Variants in SMARCC1 observed in about 807,000 individuals in gnomAD.
The protein encoded by SMARCC1 is SWI/SNF related BAF chromatin remodeling complex subunit C1.
Under a neutral mutation model 147.4 loss-of-function variants are expected in SMARCC1, and 43 were observed. The ratio of observed to expected loss-of-function variants is 0.29; its 90% confidence interval spans 0.23 to 0.38. SMARCC1 has a LOEUF of 0.38. Ranked by LOEUF, SMARCC1 falls within the 10% of genes least tolerant of loss-of-function variation. The pLI is 1.00. For missense variants in SMARCC1, 1,119 were observed against 1,381.1 expected (o/e 0.81, Z 3.01); for synonymous variants, 495 against 484.4 (o/e 1.02, Z -0.29).
intron 15 of SMARCC1, among the ~76,000 whole-genome samples, chr3:47,679,765 G>A (rs1399876798): frequency 5.9e-5 from 9 of 151,494 alleles, no homozygotes. Flanking sequence ...GGGAGGCTGA[G>A]GCAGGAGAAT....
At chr3:47,659,172 A>C (rs1445168844) in intron 21 of SMARCC1, among the ~76,000 whole-genome samples, 1 of 151,714 alleles carries the variant, frequency 6.6e-6, no homozygotes, top group Non-Finnish European at 1.5e-5. Context: ...CAAGAAAGTA[A>C]GAAAAGTCCA....
intron 20 of SMARCC1, 36 bp downstream of exon 20, chr3:47,662,298 T>TTTTC (rs748999457): frequency 6.3e-7 from 1 of 1,577,662 alleles, no homozygotes; most frequent in Admixed American, 1.9e-5. Flanking sequence ...TAAACTGAGT[T>TTTTC]TTTCTGTTGA....
chr3:47,690,399 A>G (rs1676571534), intron 12 of SMARCC1, among the ~76,000 whole-genome samples: 1 of 152,336 alleles, frequency 6.6e-6, no homozygotes, highest in East Asian at 1.9e-4. Context: ...GGTGTCTCTG[A>G]AAAGGTGGCC....
intron 6 of SMARCC1, among the ~76,000 whole-genome samples, chr3:47,725,044 A>AAAAG (rs776154129): frequency 0.012 from 1,861 of 150,744 alleles, 34 homozygotes; most frequent in Non-Finnish European, 0.02. Flanking sequence ...AAAAAAAAAA[A>AAAAG]AAAAAAAAAA....
intron 6 of SMARCC1, among the ~76,000 whole-genome samples, chr3:47,722,438 C>T (rs2034244573): frequency 6.6e-6 from 1 of 151,656 alleles, no homozygotes; most frequent in African/African-American, 2.4e-5. Flanking sequence ...GCTGGGATTA[C>T]AGGCATGCGC....
At chr3:47,627,419 A>G (rs1200519600) in intron 24 of SMARCC1, among the ~76,000 whole-genome samples, 1 of 152,174 alleles carries the variant, frequency 6.6e-6, no homozygotes, top group Non-Finnish European at 1.5e-5. Flanking sequence ...GTGAGCAGCT[A>G]GAAGAGCATT....
rs572566738 is a variant in SMARCC1 at position 47,751,833 on chromosome 3, T to C, written c.316-5840A>G. Among the ~76,000 whole-genome samples, 11 of 151,936 alleles carry C rather than the reference T, an allele frequency of 7.2e-5. No homozygotes were observed. The South Asian group carries it at 1.9e-3, about 26-fold the overall frequency. The stretch of plus-strand genomic sequence containing the variant: ...GCGCAGTAGCTCACGCCTGTAATCC[T>C]AGCACTTTGGGAGGCAGAGGAGGGT... On this transcript the variant is annotated intron_variant, in intron 2 of 27. Transcript: ENST00000254480.
chr3:47,622,307 G>C lies in SMARCC1; in HGVS notation c.2681C>G (p.Ser894Cys). 1 of 1,613,202 alleles carries C rather than the reference G, an allele frequency of 6.2e-7. No individual in the cohort carries two copies. Among genetic ancestry groups the C allele is most frequent in the South Asian group, 1.1e-5 (1 of 90,902 alleles). ...TGTCTCAACCAAGAGAGCTACCAGG[G>C]ACTTGATCTTTCTTTCTTCCACTGC... ...LAAVEERKIK[S>C]LVALLVETQM... The change falls in exon 25 of 28, where the codon TCC becomes TGC. Residue 894 changes from serine (S) to cysteine (C), a missense_variant. Transcript: ENST00000254480.
chr3:47,634,795 T>C (rs1407042472), intron 24 of SMARCC1, among the ~76,000 whole-genome samples: 1 of 152,216 alleles, frequency 6.6e-6, no homozygotes, highest in East Asian at 1.9e-4. Flanking sequence ...GTGAAGTATT[T>C]AGGCAAGGAA....
chr3:47,738,411 C>A (rs1054081526), intron 3 of SMARCC1, among the ~76,000 whole-genome samples: 1 of 152,170 alleles, frequency 6.6e-6, no homozygotes, highest in South Asian at 2.1e-4. Flanking sequence ...CCAGGCTGGG[C>A]GCAGTGGCTG....
At chr3:47,682,302 A>AG (rs1267573384) in intron 14 of SMARCC1, among the ~76,000 whole-genome samples, 1 of 151,780 alleles carries the variant, frequency 6.6e-6, no homozygotes, top group Non-Finnish European at 1.5e-5. Context: ...TTCAAAAAAA[A>AG]AAAAAAAACA....
In SMARCC1 at chr3:47,706,456, A is replaced by T; in HGVS notation, c.993T>A (p.Pro331=). The T allele has an allele frequency of 6.3e-7, 1 of 1,575,348 alleles. No individual in the cohort carries two copies. The highest frequency in any genetic ancestry group is 8.6e-7 in the Non-Finnish European group (1 of 1,164,618). Residue 331 remains proline, a synonymous_variant, in exon 10 of 28, where the codon CCT becomes CCA. Coordinates refer to ENST00000254480, the MANE Select transcript of SMARCC1 (RefSeq NM_003074.4). The part of the protein sequence containing the change: ...NARKRKHSPS[P]PPPTPTESRK... ...GTGATTCTGTTGGTGTCGGAGGGGGAGGCGAAGGCGAATGTTTCCTCTTTC... is the reference window on the plus strand; with the variant it reads ...GTGATTCTGTTGGTGTCGGAGGGGGTGGCGAAGGCGAATGTTTCCTCTTTC...
At chr3:47,775,058 C>T (rs781760311) in intron 1 of SMARCC1, among the ~76,000 whole-genome samples, 4 of 152,038 alleles carry the variant, frequency 2.6e-5, no homozygotes, top group Non-Finnish European at 4.4e-5. Context: ...CTCACTTTGG[C>T]CTCCCAAAAA....
intron 21 of SMARCC1, among the ~76,000 whole-genome samples, chr3:47,645,567 A>C (rs764895207): frequency 2.0e-5 from 3 of 152,180 alleles, no homozygotes; most frequent in Non-Finnish European, 2.9e-5. Context: ...AAAACCCCCA[A>C]ACTTCAGGTT....
intron 14 of SMARCC1, among the ~76,000 whole-genome samples, chr3:47,681,619 G>A (rs1008768809): frequency 3.9e-5 from 6 of 152,046 alleles, no homozygotes; most frequent in Non-Finnish European, 8.8e-5. Flanking sequence ...GTGGTTGCAC[G>A]GCAAAGAGCA....
At chr3:47,717,646 C>A (rs6777186) in intron 7 of SMARCC1, among the ~76,000 whole-genome samples, 1 of 152,162 alleles carries the variant, frequency 6.6e-6, no homozygotes, top group East Asian at 1.9e-4. Flanking sequence ...TCACTGCAGC[C>A]TCAACCTCTG....
intron 2 of SMARCC1, among the ~76,000 whole-genome samples, chr3:47,751,448 GA>G (rs1411142523): frequency 2.0e-5 from 3 of 151,794 alleles, no homozygotes; most frequent in African/African-American, 7.3e-5. Context: ...GGCTGAGGCA[GA>G]AGAATCGCTT....
At position 47,729,034 on chromosome 3, in the gene SMARCC1, G is replaced by T; in HGVS notation, c.637C>A (p.Gln213Lys). 1.2e-6 allele frequency: 2 copies of T among 1,608,434 alleles called. No homozygotes were observed. The highest frequency in any genetic ancestry group is 1.1e-5 in the South Asian group (1 of 90,584). The change falls in exon 6 of 28, where the codon CAA becomes AAA. Residue 213 changes from glutamine to lysine, a missense_variant. Physicochemically the swap from Gln to Lys is moderately conservative, Grantham distance 53. This residue lies in a region of SMARCC1 where 542 missense variants were observed against 611.8 expected (regional missense o/e 0.89). Coordinates refer to ENST00000254480, the MANE Select transcript of SMARCC1 (RefSeq NM_003074.4). ...CGCAAAACTAACTTACCATCGTCTTGTGAGGAAGAATATGGGTAAATGTGG... is the reference window on the plus strand; with the variant it reads ...CGCAAAACTAACTTACCATCGTCTTTTGAGGAAGAATATGGGTAAATGTGG... ...SHHIYPYSSSQDDEEWLRPVM... is the reference protein window; with the variant it reads ...SHHIYPYSSSKDDEEWLRPVM...
intron 1 of SMARCC1, among the ~76,000 whole-genome samples, chr3:47,780,174 T>TTG (rs1553693495): frequency 1.6e-4 from 21 of 135,422 alleles, no homozygotes; most frequent in Middle Eastern, 7.2e-3. Flanking sequence ...TTTTGTTTTT[T>TTG]TTTTTTTTTT....
Sources: allele counts gnomAD v4.1 joint callset (sites outside exome capture counted in the v4.1 genomes callset), GRCh38; gene constraint gnomAD v4.1.1; regional missense constraint gnomAD v4.1.1; transcripts MANE v1.5; gene names NCBI Gene and HGNC (gene_info 2026-07-23, HGNC 2026-07-21).